Variants in CLASP2 observed in about 807,000 individuals in gnomAD.
CLASP2 encodes CLIP-associating protein 2.
A neutral mutation model predicts 194.4 loss-of-function variants in CLASP2; 47 were observed. That is an observed-to-expected ratio of 0.24 (90% CI 0.19 to 0.31). The LOEUF (loss-of-function observed/expected upper bound fraction) is 0.31. Ranked by LOEUF, CLASP2 falls within the 10% of genes least tolerant of loss-of-function variation. The pLI is 1.00. For synonymous variants in CLASP2, 619 were observed against 633.5 expected, an observed-to-expected ratio of 0.98 and a Z score of 0.34; for missense variants, 1,445 against 1,823.6, an observed-to-expected ratio of 0.79 and a Z score of 3.78.
chr3:33,602,659 C>T, intron 18 of CLASP2: 2 of 711,088 alleles, frequency 2.8e-6, no homozygotes, highest in Middle Eastern at 2.3e-4. Flanking sequence ...CCTTCCCAAA[C>T]CCCCTTAGAA....
intron 9 of CLASP2, among the ~76,000 whole-genome samples, chr3:33,629,618 T>C (rs2078689940): frequency 6.6e-6 from 1 of 152,018 alleles, no homozygotes; most frequent in East Asian, 1.9e-4. Context: ...AGTAAGCATA[T>C]CAGATTGTTG....
chr3:33,503,052 A>C (rs1575575690), intron 37 of CLASP2: 1 of 152,156 alleles, frequency 6.6e-6, no homozygotes, highest in East Asian at 1.9e-4. Flanking sequence ...TATGGCATTC[A>C]ATGTTTAAAT....
chr3:33,631,976 A>G (rs916150651), intron 9 of CLASP2, among the ~76,000 whole-genome samples: 2 of 152,200 alleles, frequency 1.3e-5, no homozygotes, highest in Non-Finnish European at 2.9e-5. Flanking sequence ...TACTTCAATT[A>G]TATCTATATG....
intron 21 of CLASP2, among the ~76,000 whole-genome samples, chr3:33,590,788 A>C (rs2068595136): frequency 2.6e-5 from 4 of 152,222 alleles, no homozygotes; most frequent in Admixed American, 2.6e-4. Flanking sequence ...CCTGATTTCA[A>C]AATTCAGGAA....
chr3:33,574,516 A>G (rs1259150988), intron 24 of CLASP2: 7 of 1,471,494 alleles, frequency 4.8e-6, no homozygotes, highest in African/African-American at 1.4e-5. Flanking sequence ...GTAAATTTTT[A>G]AAGAGAAAAA....
rs969522725 is a variant in CLASP2, at chr3:33,589,427, A to G, written c.2068+2968T>C. 1.2e-4 allele frequency among the ~76,000 whole-genome samples: 19 copies of G among 152,138 alleles called. 1 individual carries two copies. Among genetic ancestry groups the G allele is most frequent in the Admixed American group, 1.2e-3 (19 of 15,276 alleles). On this transcript the variant is annotated intron_variant, in intron 21 of 38. Coordinates refer to ENST00000682230, the MANE Select transcript of CLASP2 (RefSeq NM_001365631.1). ...AAGACCATGCAAGCCCTAATGAATT[A>G]CTTTATGACAAAGTAAGGATGATGA...
chr3:33,576,269 C>G lies in CLASP2; in HGVS notation c.2354G>C (p.Gly785Ala). The part of the protein sequence containing the change: ...PVRSFQPLGP[G>A]YGISQSSRLS... ...TCGACTTGATTGGCTGATCCCATAA[C>G]CTGGACCTAATTCATCAAAAGAAGG... Residue 785 changes from glycine to alanine, a missense_variant, in exon 24 of 39, where the codon GGT becomes GCT. By Grantham distance (60) the Gly-to-Ala change is moderately conservative (BLOSUM62 0). This residue lies in a region of CLASP2 where 732 missense variants were observed against 987.9 expected (regional missense o/e 0.74). Coordinates refer to ENST00000682230, the MANE Select transcript of CLASP2 (RefSeq NM_001365631.1). The G allele has an allele frequency of 6.2e-7, 1 of 1,612,266 alleles. No homozygotes were observed.
At chr3:33,672,123 A>G (rs1283666777) in intron 6 of CLASP2, among the ~76,000 whole-genome samples, 1 of 152,212 alleles carries the variant, frequency 6.6e-6, no homozygotes, top group African/African-American at 2.4e-5. Flanking sequence ...GAGATCTGAG[A>G]ACGGGCAGAC....
chr3:33,576,978 T>G (rs890460635), intron 23 of CLASP2, among the ~76,000 whole-genome samples: 1 of 150,868 alleles, frequency 6.6e-6, no homozygotes, highest in Non-Finnish European at 1.5e-5. Context: ...ACACAACAGG[T>G]TATACAAAAA....
intron 27 of CLASP2, among the ~76,000 whole-genome samples, chr3:33,561,567 A>ATT (rs2061794307): frequency 1.3e-5 from 2 of 152,240 alleles, no homozygotes; most frequent in Non-Finnish European, 2.9e-5. Context: ...GAATGTCTAC[A>ATT]TTTAAATTTC....
intron 34 of CLASP2, among the ~76,000 whole-genome samples, chr3:33,528,718 C>A (rs1182643250): frequency 1.3e-5 from 2 of 151,444 alleles, no homozygotes; most frequent in African/African-American, 2.4e-5. Context: ...GCCAAGATTG[C>A]GCCACAGCAC....
Position 33,612,914 on chromosome 3 carries a change from AG to A in CLASP2, c.1318-844del, listed in dbSNP as rs1197631622. 1.2e-4 allele frequency among the ~76,000 whole-genome samples: 19 copies of A among 152,266 alleles called. 2 individuals carry two copies. In the East Asian group the frequency reaches 3.7e-3, roughly 29 times the overall value. On this transcript the variant is annotated intron_variant, in intron 12 of 38. Transcript: ENST00000682230. ...AGGATAGGGGGAGGAGGGAGTGAAA[AG>A]GGGTTGATTAATAGGTATAGAGTTA...
At position 33,543,438 on chromosome 3, in the gene CLASP2, A is replaced by G. The variant is rs373451798; in HGVS notation, c.3399T>C (p.Ser1133=). Residue 1133 remains serine, a synonymous_variant, in exon 32 of 39, where the codon TCT becomes TCC. Transcript: ENST00000682230. ...AAAAATCATCCTTTTATTACCTTGGAGATAAAGTATTCTGTGATGTATTGG... is the reference window on the plus strand; with the variant it reads ...AAAAATCATCCTTTTATTACCTTGGGGATAAAGTATTCTGTGATGTATTGG... The part of the protein sequence containing the change: ...SPTNTSQNTL[S]PSAFDYDTEN... 10 of 1,553,406 alleles carry G rather than the reference A, an allele frequency of 6.4e-6. No homozygotes were observed. Among genetic ancestry groups the G allele is most frequent in the Non-Finnish European group, 8.0e-6 (9 of 1,124,852 alleles).
chr3:33,511,084 G>A (rs1168578989), intron 36 of CLASP2, among the ~76,000 whole-genome samples: 3 of 148,702 alleles, frequency 2.0e-5, no homozygotes, highest in Non-Finnish European at 4.4e-5. Context: ...CCAGGAAGGA[G>A]TGCAGTGGCT....
intron 37 of CLASP2, among the ~76,000 whole-genome samples, chr3:33,508,040 G>T (rs1197555436): frequency 6.6e-6 from 1 of 151,118 alleles, no homozygotes; most frequent in Non-Finnish European, 1.5e-5. Flanking sequence ...AGTCACCCAG[G>T]CTGGAATGCA....
intron 34 of CLASP2, among the ~76,000 whole-genome samples, chr3:33,522,576 C>A (rs1027232903): frequency 6.6e-6 from 1 of 152,054 alleles, no homozygotes; most frequent in African/African-American, 2.4e-5. Context: ...ACAGAAACTG[C>A]CCTTGAAAAA....
intron 22 of CLASP2, among the ~76,000 whole-genome samples, chr3:33,583,016 T>A (rs1360652169): frequency 1.3e-5 from 2 of 152,180 alleles, no homozygotes; most frequent in East Asian, 3.9e-4. Flanking sequence ...TACACACTAT[T>A]TCTAAGGAAT....
intron 6 of CLASP2, among the ~76,000 whole-genome samples, chr3:33,676,842 T>C: frequency 6.6e-6 from 1 of 152,040 alleles, no homozygotes; most frequent in Non-Finnish European, 1.5e-5. Flanking sequence ...ACAATGAACT[T>C]GAACAAATTT....
chr3:33,631,394 T>C (rs900393614), intron 9 of CLASP2, among the ~76,000 whole-genome samples: 1 of 152,094 alleles, frequency 6.6e-6, no homozygotes. Flanking sequence ...CAAGGACATA[T>C]GTACAAAAAT....
Sources: allele counts gnomAD v4.1 joint callset (sites outside exome capture counted in the v4.1 genomes callset), GRCh38; gene constraint gnomAD v4.1.1; regional missense constraint gnomAD v4.1.1; transcripts MANE v1.5; gene names NCBI Gene and HGNC (gene_info 2026-07-23, HGNC 2026-07-21).